LRRFIP1: variants seen among roughly 807,000 people sequenced by gnomAD.
LRRFIP1 encodes LRR binding FLII interacting protein 1.
In LRRFIP1, 62 loss-of-function variants were observed where a neutral mutation model predicts 104.4. The observed-to-expected ratio is 0.59, with a 90% CI of 0.48 to 0.73. The LOEUF (loss-of-function observed/expected upper bound fraction) is 0.73. Among genes scored for constraint, LRRFIP1 ranks in the 30% least tolerant of loss-of-function variants. The pLI is 0.00. For synonymous variants in LRRFIP1, 300 were observed against 299.0 expected, an observed-to-expected ratio of 1.00 and a Z score of -0.03; for missense variants, 796 against 824.5, an observed-to-expected ratio of 0.97 and a Z score of 0.42.
At chr2:237,737,669 C>T (rs1221113607) in intron 10 of LRRFIP1, among the ~76,000 whole-genome samples, 2 of 152,152 alleles carry the variant, frequency 1.3e-5, no homozygotes, top group Non-Finnish European at 2.9e-5. Flanking sequence ...ATCAGGAAAC[C>T]CTCAGGCAAA....
At chr2:237,749,348 C>A (rs374216188) in intron 13 of LRRFIP1, 24 bp downstream of exon 13, 2 of 1,610,210 alleles carry the variant, frequency 1.2e-6, no homozygotes, top group African/African-American at 2.7e-5. Flanking sequence ...TTCTTACTGA[C>A]AACTTGAGAG....
At chr2:237,778,421 T>C (rs917689278) in intron 23 of LRRFIP1, among the ~76,000 whole-genome samples, 5 of 152,202 alleles carry the variant, frequency 3.3e-5, no homozygotes, top group African/African-American at 1.2e-4. Flanking sequence ...GATGCCCTGC[T>C]AATGTGGCTT....
intron 11 of LRRFIP1, among the ~76,000 whole-genome samples, chr2:237,744,183 C>A (rs1017071281): frequency 2.0e-5 from 3 of 152,150 alleles, no homozygotes; most frequent in Admixed American, 6.5e-5. Flanking sequence ...AACCAAAAAC[C>A]GTCACCCTAG....
chr2:237,756,293 C>A (rs1165269128), intron 16 of LRRFIP1, 106 bp downstream of exon 16: 3 of 738,964 alleles, frequency 4.1e-6, no homozygotes, highest in Non-Finnish European at 6.6e-6. Flanking sequence ...CCATACACAG[C>A]ATGGCTTAAA....
rs948176224 is a variant in LRRFIP1 at position 237,703,614 on chromosome 2, G to A, written c.97-4930G>A. Among the ~76,000 whole-genome samples the A allele has an allele frequency of 1.6e-4, 24 of 151,828 alleles. No homozygotes were observed. The highest frequency in any genetic ancestry group is 5.3e-4 in the African/African-American group (22 of 41,308). On this transcript the variant is annotated intron_variant, in intron 1 of 23. Coordinates refer to ENST00000308482, the MANE Select transcript of LRRFIP1 (RefSeq NM_001137550.2). The surrounding 1 kb of genome is among the most constrained non-coding windows in gnomAD (Gnocchi z 4.3). Reference sequence around the variant, plus strand: ...GTCCGGCTTAGGGCTCCTGTCCTGCGGATGCCTTCCCCAGCCCCCCGGGGT... The same window carrying A: ...GTCCGGCTTAGGGCTCCTGTCCTGCAGATGCCTTCCCCAGCCCCCCGGGGT...
At position 237,765,706 on chromosome 2, in the gene LRRFIP1, T is replaced by G. The variant is rs1394661346; in HGVS notation, c.1460-4237T>G. 1.6e-5 allele frequency: 15 copies of G among 940,400 alleles called. No individual in the cohort carries two copies. The Admixed American group carries it at 9.3e-4, about 58-fold the overall frequency. The allele number at this position is 940,400 out of a possible 1,614,324, so 58.3% of individuals were successfully genotyped here. Reference sequence around the variant, plus strand: ...CTGTTTTCTATATAAAAAAATTTTTTAAAATAATTGTAAAGTTAGATTTAA... The same window carrying G: ...CTGTTTTCTATATAAAAAAATTTTTGAAAATAATTGTAAAGTTAGATTTAA... On this transcript the variant is annotated intron_variant, in intron 19 of 23. Coordinates refer to ENST00000308482, the MANE Select transcript of LRRFIP1 (RefSeq NM_001137550.2).
rs949004381 is a variant in LRRFIP1 at position 237,719,579 on chromosome 2, G to A, written c.294+12G>A. 1.2e-6 allele frequency: 2 copies of A among 1,604,888 alleles called. No homozygotes were observed. Among genetic ancestry groups the A allele is most frequent in the Non-Finnish European group, 1.7e-6 (2 of 1,172,998 alleles). On this transcript the variant is annotated intron_variant, in intron 5 of 23. Coordinates refer to ENST00000308482, the MANE Select transcript of LRRFIP1 (RefSeq NM_001137550.2). ...GAAGAAACACATCGGTTAGTACCGT[G>A]TTCATTCATTACTTGGGCAATTTGA...
rs577119334 is a variant in LRRFIP1, at chr2:237,692,714, A to T, written c.97-15830A>T. On this transcript the variant is annotated intron_variant, in intron 1 of 23. Transcript: ENST00000308482. ...AGTGGCCCGGCGAGCGGCGTCCCTC[A>T]TGCGCTAGGAAGCACGCTTTATTGT... Among the ~76,000 whole-genome samples the T allele has an allele frequency of 3.2e-4, 48 of 152,150 alleles. No homozygotes were observed. The South Asian group carries it at 7.9e-3, about 25-fold the overall frequency.
At chr2:237,668,663 G>C (rs958689958) in intron 1 of LRRFIP1, among the ~76,000 whole-genome samples, 1 of 151,884 alleles carries the variant, frequency 6.6e-6, no homozygotes, top group Admixed American at 6.6e-5. Context: ...TGACTTCCTC[G>C]GCTGGGGTAG....
intron 16 of LRRFIP1, among the ~76,000 whole-genome samples, chr2:237,756,681 A>G (rs1216121020): frequency 6.6e-6 from 1 of 152,244 alleles, no homozygotes; most frequent in Non-Finnish European, 1.5e-5. Context: ...AGATTTACGA[A>G]ACAGTCCCTC....
intron 13 of LRRFIP1, 26 bp downstream of exon 13, chr2:237,749,350 ACTT>A: frequency 6.2e-7 from 1 of 1,610,426 alleles, no homozygotes; most frequent in Non-Finnish European, 8.5e-7. Flanking sequence ...CTTACTGACA[ACTT>A]GAGAGAACCT....
chr2:237,776,873 C>T (rs2061141866), intron 23 of LRRFIP1, among the ~76,000 whole-genome samples: 1 of 152,150 alleles, frequency 6.6e-6, no homozygotes, highest in African/African-American at 2.4e-5. Flanking sequence ...TAATAGAGCC[C>T]TTAGTCCATT....
At chr2:237,707,878 T>C (rs1030283743) in intron 1 of LRRFIP1, among the ~76,000 whole-genome samples, 1 of 152,220 alleles carries the variant, frequency 6.6e-6, no homozygotes, top group Non-Finnish European at 1.5e-5. Context: ...AGAACCGTTC[T>C]GCTATGATCT....
intron 1 of LRRFIP1, among the ~76,000 whole-genome samples, chr2:237,641,213 TAA>T (rs768910623): frequency 1.8e-4 from 23 of 125,426 alleles, no homozygotes; most frequent in Admixed American, 4.0e-4. Flanking sequence ...CCATCTCTAT[TAA>T]AAAAAAAAAA....
At chr2:237,759,935 TTC>T in intron 18 of LRRFIP1, 127 bp from the exon 19 acceptor site, 1 of 764,764 alleles carries the variant, frequency 1.3e-6, no homozygotes, top group Non-Finnish European at 2.1e-6. Context: ...ACCCTAGCAT[TTC>T]TCTTGTCTCT....
At chr2:237,634,159 A>G (rs1559435915) in intron 1 of LRRFIP1, among the ~76,000 whole-genome samples, 1 of 152,246 alleles carries the variant, frequency 6.6e-6, no homozygotes, top group East Asian at 1.9e-4. Flanking sequence ...ATCACTCCGT[A>G]AAACCCAAGT....
chr2:237,701,824 G>A (rs1473863951), intron 1 of LRRFIP1, among the ~76,000 whole-genome samples: 1 of 152,222 alleles, frequency 6.6e-6, no homozygotes, highest in Non-Finnish European at 1.5e-5. Context: ...CCTAACATGT[G>A]CTTTTATCTG....
chr2:237,667,980 C>A (rs78529235), intron 1 of LRRFIP1, among the ~76,000 whole-genome samples: 3 of 152,100 alleles, frequency 2.0e-5, no homozygotes. Context: ...GCTTTACAAC[C>A]CCTGGATGCC....
At chr2:237,664,167 A>G (rs1386490253) in intron 1 of LRRFIP1, among the ~76,000 whole-genome samples, 3 of 152,300 alleles carry the variant, frequency 2.0e-5, no homozygotes, top group African/African-American at 2.4e-5. Context: ...GAGCCGTTTT[A>G]GTGAAGTCAT....
Sources: gnomAD v4.1 joint callset for allele counts (sites outside exome capture counted in the v4.1 genomes callset) on GRCh38, gnomAD v4.1.1 for gene constraint, Gnocchi (gnomAD v3.1) non-coding constraint, MANE v1.5 for transcripts, NCBI Gene and HGNC (gene_info 2026-07-23, HGNC 2026-07-21) for gene names.